The following ARHGAP26 variants were observed in gnomAD, a reference collection of about 807,000 sequenced individuals.
The protein encoded by ARHGAP26 is Rho GTPase activating protein 26.
A neutral mutation model predicts 104.8 loss-of-function variants in ARHGAP26; 38 were observed. The ratio of observed to expected loss-of-function variants is 0.36; its 90% CI spans 0.28 to 0.48. ARHGAP26 has a LOEUF of 0.48. ARHGAP26 is among the 20% of genes least tolerant of loss of function. The pLI, the probability that ARHGAP26 is intolerant of heterozygous loss-of-function variation, is 0.99. For missense variants in ARHGAP26, 704 were observed against 947.9 expected (o/e 0.74, Z 3.38); for synonymous variants, 341 against 340.0 (o/e 1.00, Z -0.03).
intron 1 of ARHGAP26, among the ~76,000 whole-genome samples, chr5:142,782,159 T>G (rs992844772): frequency 6.6e-6 from 1 of 152,148 alleles, no homozygotes; most frequent in Non-Finnish European, 1.5e-5. Context: ...ATGGCTGAAC[T>G]GCATACAGGA....
rs192170708 is a variant in ARHGAP26, at chr5:142,787,197, A to G, written c.154+16282A>G. Among the ~76,000 whole-genome samples, 30 of 152,052 alleles carry G rather than the reference A, an allele frequency of 2.0e-4. No individual in the cohort carries two copies. The South Asian group carries it at 6.0e-3, about 30-fold the overall frequency. Reference sequence around the variant, plus strand: ...GGTAACATTTAGTGGCTTATTTTCTACCTCTCTAATGGGACCTGATGACAG... The same window carrying G: ...GGTAACATTTAGTGGCTTATTTTCTGCCTCTCTAATGGGACCTGATGACAG... On this transcript the variant is annotated intron_variant, in intron 1 of 22. Transcript: ENST00000645722.
chr5:143,014,177 G>T (rs1562263102), intron 12 of ARHGAP26, 61 bp downstream of exon 12: 32 of 1,585,446 alleles, frequency 2.0e-5, no homozygotes, highest in Non-Finnish European at 2.3e-5. Context: ...TTGAGAAGTT[G>T]CTACTCCAGG....
intron 18 of ARHGAP26, among the ~76,000 whole-genome samples, chr5:143,131,990 G>A (rs921268161): frequency 6.6e-6 from 1 of 152,128 alleles, no homozygotes. Context: ...GTTTTTTGGG[G>A]TTCCAGCTGC....
chr5:143,179,861 A>G (rs1804049408), intron 20 of ARHGAP26, among the ~76,000 whole-genome samples: 1 of 152,124 alleles, frequency 6.6e-6, no homozygotes, highest in African/African-American at 2.4e-5. Context: ...CACTCAACCC[A>G]CTGACACTGC....
intron 6 of ARHGAP26, among the ~76,000 whole-genome samples, chr5:142,898,073 A>G (rs1759734666): frequency 6.6e-6 from 1 of 152,178 alleles, no homozygotes; most frequent in African/African-American, 2.4e-5. Context: ...CTTCAGAAAA[A>G]GAAACAGTTG....
At chr5:143,106,987 G>T (rs1397167001) in intron 17 of ARHGAP26, among the ~76,000 whole-genome samples, 1 of 152,176 alleles carries the variant, frequency 6.6e-6, no homozygotes, top group Non-Finnish European at 1.5e-5. Flanking sequence ...CTTAGGTTTT[G>T]TCATATACCT....
At chr5:143,014,270 T>A in intron 12 of ARHGAP26, 154 bp downstream of exon 12, 1 of 762,214 alleles carries the variant, frequency 1.3e-6, no homozygotes, top group Admixed American at 2.2e-5. Flanking sequence ...ACCCCAACTT[T>A]CCGCCAGTGA....
intron 17 of ARHGAP26, among the ~76,000 whole-genome samples, chr5:143,081,619 T>C (rs532359998): frequency 1.1e-4 from 17 of 152,214 alleles, no homozygotes; most frequent in Non-Finnish European, 1.8e-4. Context: ...GTTTATAAAA[T>C]GGGAAGAATA....
intron 20 of ARHGAP26, among the ~76,000 whole-genome samples, chr5:143,175,174 A>G (rs932399067): frequency 1.3e-5 from 2 of 152,254 alleles, no homozygotes; most frequent in African/African-American, 2.4e-5. Context: ...GGTGCTTCAC[A>G]GATGACTAAG....
intron 11 of ARHGAP26, among the ~76,000 whole-genome samples, chr5:142,941,023 C>T (rs1468877833): frequency 7.9e-5 from 10 of 127,252 alleles, no homozygotes; most frequent in Admixed American, 3.0e-4. Context: ...TGCAGTGAGC[C>T]GAGATCATGC....
intron 17 of ARHGAP26, among the ~76,000 whole-genome samples, chr5:143,068,804 C>G (rs952708477): frequency 8.5e-5 from 13 of 152,208 alleles, no homozygotes; most frequent in African/African-American, 3.1e-4. Flanking sequence ...CCCACTCATT[C>G]TTTCTTGAAC....
intron 1 of ARHGAP26, among the ~76,000 whole-genome samples, chr5:142,824,616 C>T (rs1766856951): frequency 6.6e-6 from 1 of 152,184 alleles, no homozygotes; most frequent in Non-Finnish European, 1.5e-5. Flanking sequence ...AGGTTGATTA[C>T]ACAGCCAGCA....
Position 143,056,070 on chromosome 5 carries a change from T to C in ARHGAP26, c.1416T>C (p.Ser472=), listed in dbSNP as rs1157646062. The C allele has an allele frequency of 1.9e-6, 3 of 1,613,150 alleles. No individual in the cohort carries two copies. Among genetic ancestry groups the C allele is most frequent in the African/African-American group, 1.3e-5 (1 of 74,846 alleles). The change falls in exon 16 of 23, where the codon AGT becomes AGC. Residue 472 remains serine, a synonymous_variant. Coordinates refer to ENST00000645722, the MANE Select transcript of ARHGAP26 (RefSeq NM_001135608.3). ...TCATGATGTACCAGTTTCAAAGAAG[T>C]TTCATCAAAGCAGCAAGTAAGTCTT... is the stretch of plus-strand genomic sequence containing the variant. ...GPLMMYQFQR[S]FIKAAKLENQ...
chr5:143,148,646 G>GA (rs1799435768), intron 20 of ARHGAP26, among the ~76,000 whole-genome samples: 1 of 152,112 alleles, frequency 6.6e-6, no homozygotes, highest in Non-Finnish European at 1.5e-5. Flanking sequence ...CAAAATAATT[G>GA]AATTTGTTTG....
chr5:143,045,985 T>G (rs1784177034), intron 14 of ARHGAP26, among the ~76,000 whole-genome samples: 1 of 151,938 alleles, frequency 6.6e-6, no homozygotes, highest in Non-Finnish European at 1.5e-5. Context: ...TACAAAAAAA[T>G]TAGTCAGGTG....
Position 143,056,102 on chromosome 5 carries a change from C to T in ARHGAP26, c.1432+16C>T. ...AAAGCAGCAAGTAAGTCTTTTTTGT[C>T]TCAGTTTTAAGGGGAAGAGAATAGA... is the stretch of plus-strand genomic sequence containing the variant. On this transcript the variant is annotated intron_variant, in intron 16 of 22. Coordinates refer to ENST00000645722, the MANE Select transcript of ARHGAP26 (RefSeq NM_001135608.3). 1 of 1,606,948 alleles carries T rather than the reference C, an allele frequency of 6.2e-7. No individual in the cohort carries two copies.
intron 6 of ARHGAP26, 33 bp from the exon 7 acceptor site, chr5:142,901,902 T>A (rs756295056): frequency 6.3e-7 from 1 of 1,580,990 alleles, no homozygotes; most frequent in Non-Finnish European, 8.7e-7. Context: ...TCAACCTGGT[T>A]ATGTGACCTT....
chr5:142,881,288 C>T (rs1338796878), intron 4 of ARHGAP26, among the ~76,000 whole-genome samples: 3 of 152,210 alleles, frequency 2.0e-5, no homozygotes, highest in South Asian at 2.1e-4. Flanking sequence ...AGATGCCTCT[C>T]TCTCTGGCCT....
intron 2 of ARHGAP26, 69 bp from the exon 3 acceptor site, chr5:142,875,041 C>T (rs1755882111): frequency 1.5e-6 from 2 of 1,303,050 alleles, no homozygotes; most frequent in East Asian, 4.7e-5. Context: ...AACATAATAG[C>T]CAGAGCTGGA....
Sources: allele counts gnomAD v4.1 joint callset (sites outside exome capture counted in the v4.1 genomes callset), GRCh38; gene constraint gnomAD v4.1.1; transcripts MANE v1.5; gene names NCBI Gene and HGNC (gene_info 2026-07-23, HGNC 2026-07-21).